HOOK3: variants seen among roughly 807,000 people sequenced by gnomAD.
HOOK3 encodes the protein hook microtubule tethering protein 3.
HOOK3 carries 24 observed loss-of-function variants against 116.3 expected under a neutral mutation model. That is an observed-to-expected ratio of 0.21 (90% CI 0.15 to 0.29). The LOEUF (loss-of-function observed/expected upper bound fraction) is 0.29. Among genes scored for constraint, HOOK3 ranks in the 10% least tolerant of loss-of-function variants. The probability of loss-of-function intolerance (pLI) is 1.00; values close to 1 mark genes in which losing one functional copy is unlikely to be tolerated. For synonymous variants in HOOK3, 275 were observed against 283.0 expected, an observed-to-expected ratio of 0.97 and a Z score of 0.28; for missense variants, 632 against 830.2, an observed-to-expected ratio of 0.76 and a Z score of 2.93.
chr8:42,916,578 C>A (rs935292346), intron 2 of HOOK3, among the ~76,000 whole-genome samples: 2 of 152,204 alleles, frequency 1.3e-5, no homozygotes, highest in East Asian at 3.8e-4. Context: ...ATCCTATTCC[C>A]ACTTTGCACT....
In HOOK3 at chr8:42,968,230, C is replaced by A. The variant is rs772314681; in HGVS notation, c.1122+16C>A. 3 of 1,583,990 alleles carry A rather than the reference C, an allele frequency of 1.9e-6. No homozygotes were observed. In the South Asian group the frequency reaches 3.4e-5, roughly 18 times the overall value. ...CAAGAGACAGGTAAAAGAAACACAG[C>A]ATCTTGATGATGGTTTCAGGCAAGC... On this transcript the variant is annotated intron_variant, in intron 11 of 21. Coordinates refer to ENST00000307602, the MANE Select transcript of HOOK3 (RefSeq NM_032410.4).
At chr8:42,961,147 TC>T (rs1808527085) in intron 8 of HOOK3, among the ~76,000 whole-genome samples, 1 of 152,148 alleles carries the variant, frequency 6.6e-6, no homozygotes, top group East Asian at 1.9e-4. Flanking sequence ...TCATGAGTGA[TC>T]CAGTGCTGTG....
At position 43,028,134 on chromosome 8, in the gene HOOK3, C is replaced by A. The variant is rs1381240465; in HGVS notation, c.*9636C>A. On this transcript the variant is annotated 3_prime_UTR_variant, in exon 22 of 22. Transcript: ENST00000307602. Reference sequence around the variant, plus strand: ...TACTTTATTTTTCAAGTGATAAAATCATTTTATAAATCATTTCTTAATATC... The same window carrying A: ...TACTTTATTTTTCAAGTGATAAAATAATTTTATAAATCATTTCTTAATATC... The A allele has an allele frequency of 1.6e-5, 3 of 186,176 alleles. No homozygotes were observed. Among genetic ancestry groups the A allele is most frequent in the Non-Finnish European group, 3.4e-5 (3 of 88,206 alleles). The allele number at this position is 186,176 out of a possible 1,614,324, so 11.5% of individuals were successfully genotyped here. A position where few individuals can be genotyped will look rare whatever the true frequency, so the allele number is the denominator to read the frequency against.
In HOOK3 at chr8:42,959,460, T is replaced by G. The variant is rs376111333; in HGVS notation, c.615+146T>G. On this transcript the variant is annotated intron_variant, in intron 8 of 21. Coordinates refer to ENST00000307602, the MANE Select transcript of HOOK3 (RefSeq NM_032410.4). Reference sequence around the variant, plus strand: ...ATGGCTGGGCGCAGTGGCTCACACCTGTAATCCCAGCACTTCGGGAGGCTG... The same window carrying G: ...ATGGCTGGGCGCAGTGGCTCACACCGGTAATCCCAGCACTTCGGGAGGCTG... 53 of 552,560 alleles carry G rather than the reference T, an allele frequency of 9.6e-5. No individual in the cohort carries two copies. The highest frequency in any genetic ancestry group is 4.6e-4 in the East Asian group (15 of 32,470). 34.2% of individuals were successfully genotyped at this position (552,560 alleles called of 1,614,324 possible). A position where few individuals can be genotyped will look rare whatever the true frequency, so the allele number is the denominator to read the frequency against.
At chr8:42,971,586 A>T (rs28403241) in intron 11 of HOOK3, among the ~76,000 whole-genome samples, 3,648 of 152,244 alleles carry the variant, frequency 0.024, 142 homozygotes, top group African/African-American at 0.081. Context: ...TTTTTAAATG[A>T]TAATATTTCA....
intron 2 of HOOK3, among the ~76,000 whole-genome samples, chr8:42,923,392 T>G (rs1807701393): frequency 6.6e-6 from 1 of 152,200 alleles, no homozygotes. Context: ...TTATTCATAA[T>G]GGCCCCAAAG....
intron 2 of HOOK3, among the ~76,000 whole-genome samples, chr8:42,916,070 G>T (rs1442835998): frequency 6.6e-6 from 1 of 152,096 alleles, no homozygotes; most frequent in Non-Finnish European, 1.5e-5. Flanking sequence ...AAATGCTTTG[G>T]CATGGCAGAT....
rs1213974506 is a variant in HOOK3 at position 43,024,539 on chromosome 8, G to A, written c.*6041G>A. On this transcript the variant is annotated 3_prime_UTR_variant, in exon 22 of 22. Transcript: ENST00000307602. ...CAACCTAGTTTCATTACATTTAGAA[G>A]GAGGTTTCAGAGCTTATTCTTGATA... The A allele has an allele frequency of 5.3e-6, 1 of 187,408 alleles. No individual in the cohort carries two copies. The allele number at this position is 187,408 out of a possible 1,614,324, so 11.6% of individuals were successfully genotyped here. A position where few individuals can be genotyped will look rare whatever the true frequency, so the allele number is the denominator to read the frequency against.
intron 10 of HOOK3, among the ~76,000 whole-genome samples, chr8:42,967,085 A>G (rs1410667496): frequency 6.6e-6 from 1 of 151,794 alleles, no homozygotes; most frequent in Non-Finnish European, 1.5e-5. Context: ...TCAACCATCT[A>G]CATTTTCCAC....
chr8:42,915,192 G>GGAC (rs1807507579), intron 2 of HOOK3, among the ~76,000 whole-genome samples: 1 of 152,022 alleles, frequency 6.6e-6, no homozygotes, highest in African/African-American at 2.4e-5. Context: ...TGGTCACCAG[G>GGAC]TGATTTTCAC....
chr8:42,964,349 A>C lies in HOOK3; in HGVS notation c.654A>C (p.Ala218=). Residue 218 remains alanine, a synonymous_variant, in exon 9 of 22, where the codon GCA becomes GCC. Coordinates refer to ENST00000307602, the MANE Select transcript of HOOK3 (RefSeq NM_032410.4). The stretch of plus-strand genomic sequence containing the variant: ...AGGAAGAGAAAAGTAGTTTGTTGGC[A>C]GAGAATCAGGTATTAATGGAAAGAC... ...ALQEEKSSLL[A]ENQVLMERLN... is the part of the protein sequence containing the mutation. The C allele has an allele frequency of 6.2e-7, 1 of 1,614,208 alleles. No homozygotes were observed. Among genetic ancestry groups the C allele is most frequent in the Non-Finnish European group, 8.5e-7 (1 of 1,180,016 alleles).
At chr8:42,966,391 T>C (rs1808633356) in intron 9 of HOOK3, 82 bp from the exon 10 acceptor site, 1 of 1,435,404 alleles carries the variant, frequency 7.0e-7, no homozygotes. Context: ...ATTCTCATGC[T>C]TTATATCTTT....
intron 2 of HOOK3, among the ~76,000 whole-genome samples, chr8:42,921,020 G>A (rs953298178): frequency 1.3e-5 from 2 of 152,164 alleles, no homozygotes; most frequent in African/African-American, 4.8e-5. Flanking sequence ...TAAGCAGGCT[G>A]TATCATGATG....
At chr8:42,997,501 G>A (rs779573501) in intron 15 of HOOK3, 49 bp from the exon 16 acceptor site, 5 of 1,112,560 alleles carry the variant, frequency 4.5e-6, no homozygotes, top group Non-Finnish European at 4.0e-6. Context: ...AGGGAAAAAA[G>A]GCATACGTAA....
chr8:42,986,059 C>T (rs1041630297), intron 14 of HOOK3, among the ~76,000 whole-genome samples: 8 of 152,152 alleles, frequency 5.3e-5, no homozygotes, highest in African/African-American at 1.9e-4. Flanking sequence ...TATGAACTAA[C>T]ATTTAATTAT....
chr8:42,924,439 A>G (rs1807723872), intron 2 of HOOK3, among the ~76,000 whole-genome samples: 1 of 151,752 alleles, frequency 6.6e-6, no homozygotes, highest in African/African-American at 2.4e-5. Flanking sequence ...TCGTTTCAAT[A>G]TGTTTGTCCA....
In HOOK3 at chr8:43,018,674, G is replaced by T; in HGVS notation, c.*176G>T. 3.3e-6 allele frequency: 2 copies of T among 614,618 alleles called. No individual in the cohort carries two copies. Among genetic ancestry groups the T allele is most frequent in the Non-Finnish European group, 5.0e-6 (2 of 401,726 alleles). 38.1% of individuals were successfully genotyped at this position (614,618 alleles called of 1,614,324 possible). A position where few individuals can be genotyped will look rare whatever the true frequency, so the allele number is the denominator to read the frequency against. On this transcript the variant is annotated 3_prime_UTR_variant, in exon 22 of 22. Transcript: ENST00000307602. ...CTGTATCTTTGTTTTAGTTTCTTTG[G>T]TTTTTATTTTGTAGTCCTTTCAGTT...
At chr8:43,008,471 C>G (rs886707817) in intron 18 of HOOK3, among the ~76,000 whole-genome samples, 1 of 152,000 alleles carries the variant, frequency 6.6e-6, no homozygotes, top group South Asian at 2.1e-4. Flanking sequence ...GCATGAGCCA[C>G]CCTGCCCGGC....
chr8:42,979,946 TG>T (rs1316768943), intron 13 of HOOK3, among the ~76,000 whole-genome samples: 2 of 151,950 alleles, frequency 1.3e-5, no homozygotes, highest in African/African-American at 4.8e-5. Context: ...ACATGAGTTT[TG>T]TTTTTTCTTT....
Sources: gnomAD v4.1 joint callset for allele counts (sites outside exome capture counted in the v4.1 genomes callset) on GRCh38, gnomAD v4.1.1 for gene constraint, MANE v1.5 for transcripts, NCBI Gene and HGNC (gene_info 2026-07-23, HGNC 2026-07-21) for gene names.